Variants in CAPN5 observed in about 807,000 individuals in gnomAD.
CAPN5 encodes the protein calpain 5, also known as calpain-5.
A neutral mutation model predicts 73.0 loss-of-function variants in CAPN5; 54 were observed. That is an observed-to-expected ratio of 0.74 (90% confidence interval 0.59 to 0.93). The LOEUF (loss-of-function observed/expected upper bound fraction) is 0.93, where lower values mean the gene tolerates loss of function less well. Among genes scored for constraint, CAPN5 ranks in the 40% least tolerant of loss-of-function variants. CAPN5 has a pLI of 0.00. For missense variants in CAPN5, 785 were observed against 882.9 expected, an observed-to-expected ratio of 0.89 and a Z score of 1.41; for synonymous variants, 335 against 356.9, an observed-to-expected ratio of 0.94 and a Z score of 0.69.
At chr11:77,088,526 G>C (rs1170311263) in intron 2 of CAPN5, among the ~76,000 whole-genome samples, 1 of 152,086 alleles carries the variant, frequency 6.6e-6, no homozygotes, top group Non-Finnish European at 1.5e-5. Flanking sequence ...TAGGGCTGGG[G>C]GAGGGCAAGT....
chr11:77,085,086 G>A (rs769710353), intron 2 of CAPN5, 35 bp downstream of exon 2: 88 of 1,594,874 alleles, frequency 5.5e-5, no homozygotes, highest in Non-Finnish European at 6.3e-5. Context: ...CTGGGTGAGC[G>A]GGCCCAGGCC....
chr11:77,093,912 C>G, intron 3 of CAPN5, 99 bp downstream of exon 3: 1 of 1,499,082 alleles, frequency 6.7e-7, no homozygotes, highest in Non-Finnish European at 9.0e-7. Flanking sequence ...GCAGATGAGA[C>G]TTTCAAAAGC....
In CAPN5 at chr11:77,118,144, TC is replaced by T. The variant is rs1312133515; in HGVS notation, c.972-9del. On this transcript the variant is annotated splice_polypyrimidine_tract_variant and intron_variant, in intron 7 of 12. Coordinates refer to ENST00000648180, the MANE Select transcript of CAPN5 (RefSeq NM_004055.5). ...TGGGGGAGGTACCCTGCTCAGCCCC[TC>T]CCCACATCCAGGATGACCTTCGAGG... is the stretch of plus-strand genomic sequence containing the variant. 6.2e-7 allele frequency: 1 copy of T among 1,605,492 alleles called. No individual in the cohort carries two copies. The highest frequency in any genetic ancestry group is 1.7e-5 in the Admixed American group (1 of 59,584).
chr11:77,106,698 T>C (rs1565272188), intron 3 of CAPN5, among the ~76,000 whole-genome samples: 1 of 152,204 alleles, frequency 6.6e-6, no homozygotes, highest in African/African-American at 2.4e-5. Context: ...CTCCCTGAGT[T>C]TGCCCATGGT....
chr11:77,067,497 C>T (rs1410026009), intron 1 of CAPN5, among the ~76,000 whole-genome samples: 3 of 152,110 alleles, frequency 2.0e-5, no homozygotes, highest in Non-Finnish European at 2.9e-5. Context: ...ATCCACCAAC[C>T]CCTTCTGGGT....
intron 3 of CAPN5, among the ~76,000 whole-genome samples, chr11:77,112,029 G>A (rs1555040801): frequency 1.3e-5 from 2 of 152,148 alleles, no homozygotes; most frequent in South Asian, 2.1e-4. Flanking sequence ...TGACAGGACT[G>A]GGTTGGTCTA....
intron 3 of CAPN5, among the ~76,000 whole-genome samples, chr11:77,101,501 A>G (rs1418471781): frequency 1.3e-5 from 2 of 152,132 alleles, no homozygotes; most frequent in Non-Finnish European, 2.9e-5. Flanking sequence ...ATTTCTGCCA[A>G]TGACCCCCAG....
At chr11:77,123,416 C>T (rs1298044476) in intron 12 of CAPN5, among the ~76,000 whole-genome samples, 2 of 152,128 alleles carry the variant, frequency 1.3e-5, no homozygotes, top group Non-Finnish European at 1.5e-5. Flanking sequence ...GTGGGTGTAC[C>T]GCTTGTCCAA....
chr11:77,120,981 G>C (rs1950516148), intron 10 of CAPN5, 72 bp downstream of exon 10: 1 of 1,429,400 alleles, frequency 7.0e-7, no homozygotes. Flanking sequence ...GGAACCTGCA[G>C]CCTCAGAGAT....
rs1178291604 is a variant in CAPN5 at position 77,124,808 on chromosome 11, G to A, written c.*938G>A. Reference sequence around the variant, plus strand: ...CTTTTCCTGGAAGATGGGACTCTGGGGTGTGTGGTGCTCACCAGAGTCAGG... The same window carrying A: ...CTTTTCCTGGAAGATGGGACTCTGGAGTGTGTGGTGCTCACCAGAGTCAGG... On this transcript the variant is annotated 3_prime_UTR_variant, in exon 13 of 13. Transcript: ENST00000648180. 6.6e-6 allele frequency: 1 copy of A among 152,130 alleles called. No individual in the cohort carries two copies. The highest frequency in any genetic ancestry group is 1.5e-5 in the Non-Finnish European group (1 of 68,034). The allele number at this position is 152,130 out of a possible 1,614,324, so 9.4% of individuals were successfully genotyped here.
At chr11:77,096,811 CAA>C (rs1307048407) in intron 3 of CAPN5, among the ~76,000 whole-genome samples, 2 of 151,536 alleles carry the variant, frequency 1.3e-5, no homozygotes, top group Non-Finnish European at 2.9e-5. Context: ...AGCTCCTGGC[CAA>C]AAAAAAGCAT....
intron 2 of CAPN5, among the ~76,000 whole-genome samples, chr11:77,087,127 A>G (rs770427973): frequency 2.0e-5 from 3 of 152,236 alleles, no homozygotes; most frequent in Non-Finnish European, 4.4e-5. Context: ...GACTCAGACC[A>G]GGCTGGGGTG....
chr11:77,081,896 A>G (rs1950031661), intron 1 of CAPN5, among the ~76,000 whole-genome samples: 1 of 151,992 alleles, frequency 6.6e-6, no homozygotes, highest in South Asian at 2.1e-4. Context: ...TCCCCTTGGG[A>G]GCCTCCGCCA....
At chr11:77,123,616 C>T (rs747300930) in intron 12 of CAPN5, 72 bp from the exon 13 acceptor site, 1 of 1,296,892 alleles carries the variant, frequency 7.7e-7, no homozygotes, top group African/African-American at 1.5e-5. Context: ...CCACCACCAG[C>T]ACCCCCCATA....
chr11:77,105,732 A>G (rs1950339322), intron 3 of CAPN5, among the ~76,000 whole-genome samples: 1 of 152,142 alleles, frequency 6.6e-6, no homozygotes, highest in African/African-American at 2.4e-5. Flanking sequence ...CCCTCCAGGA[A>G]TTGTCAAACC....
intron 1 of CAPN5, among the ~76,000 whole-genome samples, chr11:77,071,862 AG>A (rs1462757954): frequency 6.6e-6 from 1 of 152,170 alleles, no homozygotes; most frequent in African/African-American, 2.4e-5. Context: ...CCATTGCAGG[AG>A]GGGGTAAGCC....
chr11:77,114,290 A>C lies in CAPN5; in HGVS notation c.555A>C (p.Ala185=). The C allele has an allele frequency of 6.2e-7, 1 of 1,614,194 alleles. No individual in the cohort carries two copies. The highest frequency in any genetic ancestry group is 8.5e-7 in the Non-Finnish European group (1 of 1,180,032). The change falls in exon 5 of 13, where the codon GCA becomes GCC. Residue 185 remains alanine, a synonymous_variant. Coordinates refer to ENST00000648180, the MANE Select transcript of CAPN5 (RefSeq NM_004055.5). ...TGGATGGAGGCAACACAGCAGACGCACTGGTGGACTTCACGGGTGGTGTTT... is the reference window on the plus strand; with the variant it reads ...TGGATGGAGGCAACACAGCAGACGCCCTGGTGGACTTCACGGGTGGTGTTT... ...QALDGGNTAD[A]LVDFTGGVSE...
intron 2 of CAPN5, chr11:77,087,959 G>A (rs782558379): frequency 1.5e-5 from 23 of 1,536,010 alleles, no homozygotes; most frequent in African/African-American, 8.2e-5. Context: ...GCCATTCGCT[G>A]GCCCCTCACA....
At chr11:77,073,162 G>T (rs1555033389) in intron 1 of CAPN5, 2 of 1,236,680 alleles carry the variant, frequency 1.6e-6, no homozygotes, top group Non-Finnish European at 2.1e-6. Flanking sequence ...GCACTGGGTT[G>T]CCTGGGACTG....
Sources: allele counts gnomAD v4.1 joint callset (sites outside exome capture counted in the v4.1 genomes callset), GRCh38; gene constraint gnomAD v4.1.1; transcripts MANE v1.5; gene names NCBI Gene and HGNC (gene_info 2026-07-23, HGNC 2026-07-21).